Variants in ACADM observed in about 807,000 individuals in gnomAD.
ACADM encodes the protein medium-chain specific acyl-CoA dehydrogenase, mitochondrial.
ACADM carries 49 observed loss-of-function variants against 58.9 expected under a neutral mutation model. The observed-to-expected ratio is 0.83, with a 90% confidence interval of 0.66 to 1.06. The LOEUF (loss-of-function observed/expected upper bound fraction) is 1.06, where lower values mean the gene tolerates loss of function less well. Among genes scored for constraint, ACADM ranks in the 50% least tolerant of loss-of-function variants. ACADM has a pLI of 0.00. For synonymous variants in ACADM, 160 were observed against 157.7 expected, an observed-to-expected ratio of 1.01 and a Z score of -0.11; for missense variants, 496 against 507.0, an observed-to-expected ratio of 0.98 and a Z score of 0.21.
In ACADM at chr1:75,762,554, G is replaced by A. The variant is rs553794468; in HGVS notation, c.1195-138G>A. ...TTCACAAAATCAGGTTTTGGAATCT[G>A]TAGAGGCTACAGACCCTATATATGG... On this transcript the variant is annotated intron_variant, in intron 11 of 11. Coordinates refer to ENST00000370841, the MANE Select transcript of ACADM (RefSeq NM_000016.6). 150 of 503,468 alleles carry A rather than the reference G, an allele frequency of 3.0e-4. 2 individuals carry two copies. The highest frequency in any genetic ancestry group is 1.3e-3 in the Admixed American group (36 of 28,674). The allele number at this position is 503,468 out of a possible 1,614,324, so 31.2% of individuals were successfully genotyped here.
intron 8 of ACADM, among the ~76,000 whole-genome samples, chr1:75,746,294 A>C (rs1352621654): frequency 6.6e-6 from 1 of 152,208 alleles, no homozygotes; most frequent in Admixed American, 6.5e-5. Flanking sequence ...CATTATGCCC[A>C]TTTTACAGAT....
intron 5 of ACADM, 52 bp downstream of exon 5, chr1:75,733,680 G>A (rs771854404): frequency 7.1e-6 from 10 of 1,412,294 alleles, no homozygotes; most frequent in Admixed American, 3.4e-5. Context: ...TAATGAGATA[G>A]TTACTCCTGA....
intron 1 of ACADM, among the ~76,000 whole-genome samples, chr1:75,725,758 A>G (rs1041530476): frequency 4.6e-5 from 7 of 152,356 alleles, no homozygotes; most frequent in Admixed American, 1.3e-4. Context: ...AATAAAACCA[A>G]TAGTTATATA....
chr1:75,736,173 TACACACAC>T (rs10647103), intron 6 of ACADM, among the ~76,000 whole-genome samples: 5 of 144,444 alleles, frequency 3.5e-5, no homozygotes, highest in Admixed American at 7.0e-5. Flanking sequence ...CACACAGACA[TACACACAC>T]ACACACACAC....
chr1:75,739,653 T>C (rs1296818814), intron 6 of ACADM, among the ~76,000 whole-genome samples: 1 of 151,962 alleles, frequency 6.6e-6, no homozygotes. Context: ...AAATTTAAAA[T>C]TAGCTGGGCA....
intron 8 of ACADM, among the ~76,000 whole-genome samples, chr1:75,748,031 A>C (rs1647988989): frequency 6.6e-6 from 1 of 152,202 alleles, no homozygotes; most frequent in Non-Finnish European, 1.5e-5. Flanking sequence ...TAAAACCAGC[A>C]AATTAAAGGG....
chr1:75,756,281 G>A (rs1303698580), intron 10 of ACADM, among the ~76,000 whole-genome samples: 1 of 152,162 alleles, frequency 6.6e-6, no homozygotes, highest in Non-Finnish European at 1.5e-5. Flanking sequence ...AATTGTCCCT[G>A]TTTGCACATG....
intron 10 of ACADM, chr1:75,750,783 C>T (rs1343070825): frequency 1.9e-6 from 1 of 518,318 alleles, no homozygotes; most frequent in African/African-American, 2.0e-5. Flanking sequence ...GAGTCTCGCT[C>T]TGTTGCTCAG....
rs1171321888 is a variant in ACADM at position 75,761,362 on chromosome 1, A to G, written c.1186A>G (p.Ile396Val). 1.9e-6 allele frequency: 3 copies of G among 1,613,904 alleles called. No individual in the cohort carries two copies. Among genetic ancestry groups the G allele is most frequent in the Non-Finnish European group, 2.5e-6 (3 of 1,179,910 alleles). Reference sequence around the variant, plus strand: ...AGAAAAACTAATGAGGGATGCCAAAATCTATCAGGTAAGGTTAAAGATGAT... The same window carrying G: ...AGAAAAACTAATGAGGGATGCCAAAGTCTATCAGGTAAGGTTAAAGATGAT... ...PVEKLMRDAK[I>V]YQIYEGTSQI... The change falls in exon 11 of 12, where the codon ATC becomes GTC. Residue 396 changes from isoleucine to valine, a missense_variant. Ile to Val is a conservative substitution (Grantham distance 29, BLOSUM62 3). Transcript: ENST00000370841.
intron 6 of ACADM, among the ~76,000 whole-genome samples, chr1:75,737,731 C>T (rs528921006): frequency 3.9e-5 from 6 of 152,058 alleles, no homozygotes; most frequent in Admixed American, 3.3e-4. Flanking sequence ...GCATCATTTG[C>T]GAGCATCTGT....
intron 6 of ACADM, among the ~76,000 whole-genome samples, chr1:75,736,209 C>T (rs898515713): frequency 2.0e-5 from 3 of 151,638 alleles, no homozygotes; most frequent in Non-Finnish European, 4.4e-5. Context: ...CACACACGCT[C>T]TATTCTGAAA....
intron 1 of ACADM, among the ~76,000 whole-genome samples, chr1:75,726,001 G>A (rs1647049318): frequency 6.6e-6 from 1 of 152,152 alleles, no homozygotes; most frequent in Admixed American, 6.5e-5. Context: ...ACTTTGTTAT[G>A]TAATTAACAG....
At chr1:75,724,894 A>G in intron 1 of ACADM, 77 bp downstream of exon 1, 1 of 1,326,922 alleles carries the variant, frequency 7.5e-7, no homozygotes, top group Admixed American at 3.0e-5. Flanking sequence ...CTGGGCCAAA[A>G]ATAGGTGCGG....
At chr1:75,732,388 G>A in intron 2 of ACADM, 1 of 399,370 alleles carries the variant, frequency 2.5e-6, no homozygotes, top group Non-Finnish European at 4.5e-6. Context: ...AAACTCACTT[G>A]AGCTCTACAG....
chr1:75,751,484 G>A (rs4646961), intron 10 of ACADM, among the ~76,000 whole-genome samples: 36,320 of 150,830 alleles, frequency 0.24, 4,780 homozygotes, highest in Non-Finnish European at 0.3. Flanking sequence ...CACAGATCCA[G>A]GATCCTTGCT....
chr1:75,726,245 T>C (rs1647053949), intron 1 of ACADM, among the ~76,000 whole-genome samples: 1 of 151,742 alleles, frequency 6.6e-6, no homozygotes, highest in Admixed American at 6.6e-5. Flanking sequence ...CTGTCTTTAC[T>C]AAAAATAGGA....
At chr1:75,747,957 G>C (rs762975286) in intron 8 of ACADM, among the ~76,000 whole-genome samples, 1 of 152,126 alleles carries the variant, frequency 6.6e-6, no homozygotes, top group Non-Finnish European at 1.5e-5. Flanking sequence ...CAAAATAAAG[G>C]GATGTTGGCT....
At chr1:75,758,710 G>T (rs1254561557) in intron 10 of ACADM, among the ~76,000 whole-genome samples, 1 of 152,188 alleles carries the variant, frequency 6.6e-6, no homozygotes, top group Admixed American at 6.6e-5. Flanking sequence ...CTAAAGGATT[G>T]TAAACTCACC....
chr1:75,732,702 AATC>A lies in ACADM; in HGVS notation c.181_183del (p.Ile61del). ...CTGCTCGTAAATTTGCCAGAGAGGAAATCATCCCAGTGGCTGCAGAATATGATA... is the reference window on the plus strand; with the variant it reads ...CTGCTCGTAAATTTGCCAGAGAGGAAATCCCAGTGGCTGCAGAATATGATA... On this transcript the variant is annotated inframe_deletion, in exon 3 of 12. Coordinates refer to ENST00000370841, the MANE Select transcript of ACADM (RefSeq NM_000016.6). 2 of 1,614,090 alleles carry A rather than the reference AATC, an allele frequency of 1.2e-6. No individual in the cohort carries two copies. Among genetic ancestry groups the A allele is most frequent in the Admixed American group, 3.3e-5 (2 of 60,028 alleles).
Sources: gnomAD v4.1 joint callset for allele counts (sites outside exome capture counted in the v4.1 genomes callset) on GRCh38, gnomAD v4.1.1 for gene constraint, MANE v1.5 for transcripts, NCBI Gene and HGNC (gene_info 2026-07-23, HGNC 2026-07-21) for gene names.